SESTD1: variants seen among roughly 807,000 people sequenced by gnomAD.
The protein encoded by SESTD1 is SEC14 domain and spectrin repeat-containing protein 1.
In SESTD1, 43 loss-of-function variants were observed where a neutral mutation model predicts 101.7. The observed-to-expected ratio is 0.42, with a 90% CI of 0.33 to 0.55. The LOEUF is 0.55. Among genes scored for constraint, SESTD1 ranks in the 20% least tolerant of loss-of-function variants. The pLI, the probability that SESTD1 is intolerant of heterozygous loss-of-function variation, is 0.07. For synonymous variants in SESTD1, 283 were observed against 286.8 expected (o/e 0.99, Z 0.13); for missense variants, 647 against 815.1 (o/e 0.79, Z 2.51).
At chr2:179,136,530 C>G (rs1469812305) in intron 9 of SESTD1, among the ~76,000 whole-genome samples, 1 of 152,138 alleles carries the variant, frequency 6.6e-6, no homozygotes, top group Non-Finnish European at 1.5e-5. Flanking sequence ...TCTCATTTAT[C>G]ACTATGTGTT....
rs1346621276 is a variant in SESTD1 at position 179,105,764 on chromosome 2, C to T, written c.*4135G>A. 6.6e-6 allele frequency: 1 copy of T among 152,120 alleles called. No individual in the cohort carries two copies. Among genetic ancestry groups the T allele is most frequent in the African/African-American group, 2.4e-5 (1 of 41,410 alleles). 9.4% of individuals were successfully genotyped at this position (152,120 alleles called of 1,614,324 possible). On this transcript the variant is annotated 3_prime_UTR_variant, in exon 18 of 18. Coordinates refer to ENST00000428443, the MANE Select transcript of SESTD1 (RefSeq NM_178123.5). ...TGGTATGACTTCTCTGTTTTACAGCCTGAGATAAATTCTCAGATATTTTTT... is the reference window on the plus strand; with the variant it reads ...TGGTATGACTTCTCTGTTTTACAGCTTGAGATAAATTCTCAGATATTTTTT...
chr2:179,109,592 C>A lies in SESTD1; in HGVS notation c.*307G>T, dbSNP rs1334774865. 4.8e-6 allele frequency: 2 copies of A among 418,964 alleles called. No individual in the cohort carries two copies. The highest frequency in any genetic ancestry group is 2.0e-5 in the African/African-American group (1 of 49,138). 26.0% of individuals were successfully genotyped at this position (418,964 alleles called of 1,614,324 possible). ...GAGAGAATTCCTACTCTTATTAGCA[C>A]CATTCAAAGCTTATTATCAGTTGTT... On this transcript the variant is annotated 3_prime_UTR_variant, in exon 18 of 18. Transcript: ENST00000428443.
At chr2:179,136,975 A>T (rs1418021008) in intron 9 of SESTD1, among the ~76,000 whole-genome samples, 2 of 152,182 alleles carry the variant, frequency 1.3e-5, no homozygotes, top group Non-Finnish European at 2.9e-5. Context: ...CACAGTAAAT[A>T]TGCCTATTTC....
rs565508956 is a variant in SESTD1 at position 179,157,398 on chromosome 2, C to G, written c.370-6007G>C. The stretch of plus-strand genomic sequence containing the variant: ...AAATTCATATGGAACCAAAAAAGAG[C>G]CCGTATAGCCAAACCAAGACTAAGC... On this transcript the variant is annotated intron_variant, in intron 5 of 17. Coordinates refer to ENST00000428443, the MANE Select transcript of SESTD1 (RefSeq NM_178123.5). Among the ~76,000 whole-genome samples the G allele has an allele frequency of 6.6e-5, 10 of 152,224 alleles. No homozygotes were observed. The East Asian group carries it at 1.9e-3, about 29-fold the overall frequency.
At chr2:179,113,605 G>A (rs986077640) in intron 16 of SESTD1, among the ~76,000 whole-genome samples, 2 of 152,092 alleles carry the variant, frequency 1.3e-5, no homozygotes, top group African/African-American at 4.8e-5. Context: ...CATTACTCAT[G>A]AACGGACATT....
At chr2:179,118,046 C>T (rs1284052352) in intron 13 of SESTD1, among the ~76,000 whole-genome samples, 1 of 152,140 alleles carries the variant, frequency 6.6e-6, no homozygotes, top group Non-Finnish European at 1.5e-5. Context: ...TCATAGCTCA[C>T]TATAACCTCA....
rs542950580 is a variant in SESTD1, at chr2:179,247,309, T to TA, written c.-26+17189dup. Among the ~76,000 whole-genome samples the TA allele has an allele frequency of 7.0e-4, 107 of 152,234 alleles. 1 individual carries two copies. Among genetic ancestry groups the TA allele is most frequent in the African/African-American group, 2.5e-3 (103 of 41,550 alleles). On this transcript the variant is annotated intron_variant, in intron 1 of 17. Transcript: ENST00000428443. ...CTAAGTCTAGATGCTGTATGAGGGA[T>TA]AAGCATATTAAAAAATAAATAAATG... is the stretch of plus-strand genomic sequence containing the variant.
At chr2:179,124,756 T>C (rs1265714621) in intron 10 of SESTD1, among the ~76,000 whole-genome samples, 198 bp from the exon 11 acceptor site, 1 of 152,122 alleles carries the variant, frequency 6.6e-6, no homozygotes, top group Non-Finnish European at 1.5e-5. Flanking sequence ...TTCTCTTCTC[T>C]TCCTTGCTCT....
intron 5 of SESTD1, among the ~76,000 whole-genome samples, chr2:179,166,371 A>G (rs2045834741): frequency 6.6e-6 from 1 of 152,212 alleles, no homozygotes; most frequent in African/African-American, 2.4e-5. Flanking sequence ...TCCTATGAAA[A>G]AAAAAATCTT....
At chr2:179,133,270 C>T (rs892248627) in intron 9 of SESTD1, among the ~76,000 whole-genome samples, 1 of 152,136 alleles carries the variant, frequency 6.6e-6, no homozygotes, top group Non-Finnish European at 1.5e-5. Flanking sequence ...TTATGAGTCA[C>T]TAAACTCAAG....
At chr2:179,264,102 G>A (rs2047521674) in intron 1 of SESTD1, 1 of 152,242 alleles carries the variant, frequency 6.6e-6, no homozygotes, top group Non-Finnish European at 1.5e-5. Flanking sequence ...TGGAAAATAA[G>A]GACTAACGCC....
chr2:179,143,884 C>T (rs2105441793), intron 8 of SESTD1, 81 bp from the exon 9 acceptor site: 1 of 1,457,212 alleles, frequency 6.9e-7, no homozygotes. Context: ...ATTCTAGTCC[C>T]TTGTTTTTAA....
intron 16 of SESTD1, 42 bp from the exon 17 acceptor site, chr2:179,112,887 C>T (rs759346763): frequency 6.4e-7 from 1 of 1,567,950 alleles, no homozygotes; most frequent in Admixed American, 1.9e-5. Flanking sequence ...GAGACACAGA[C>T]AGGTCTGCAG....
At chr2:179,115,760 A>ATT (rs1227146275) in intron 15 of SESTD1, among the ~76,000 whole-genome samples, 1 of 151,996 alleles carries the variant, frequency 6.6e-6, no homozygotes, top group African/African-American at 2.4e-5. Flanking sequence ...AAAAACAAAA[A>ATT]TTGTTTTAAA....
chr2:179,112,200 C>T (rs2044526252), intron 17 of SESTD1, among the ~76,000 whole-genome samples: 1 of 152,164 alleles, frequency 6.6e-6, no homozygotes, highest in Admixed American at 6.5e-5. Context: ...ACAGACATAC[C>T]TGAGATTGTA....
At position 179,231,697 on chromosome 2, in the gene SESTD1, A is replaced by C. The variant is rs1358045799; in HGVS notation, c.-26+32802T>G. Among the ~76,000 whole-genome samples the C allele has an allele frequency of 1.3e-5, 2 of 151,070 alleles. 1 individual carries two copies. The highest frequency in any genetic ancestry group is 6.3e-3 in the Middle Eastern group (2 of 316). On this transcript the variant is annotated intron_variant, in intron 1 of 17. Coordinates refer to ENST00000428443, the MANE Select transcript of SESTD1 (RefSeq NM_178123.5). ...AAATGCTTATTCAAGAGATAACCTA[A>C]AACAGTATAGACCAAAAAGCTAAAA...
At chr2:179,196,662 G>C (rs536739773) in intron 1 of SESTD1, among the ~76,000 whole-genome samples, 33 of 152,286 alleles carry the variant, frequency 2.2e-4, no homozygotes, top group East Asian at 3.9e-4. Flanking sequence ...TGACCCCCGA[G>C]CAGCCTAACT....
At chr2:179,164,304 A>G (rs2045796452) in intron 5 of SESTD1, among the ~76,000 whole-genome samples, 1 of 152,224 alleles carries the variant, frequency 6.6e-6, no homozygotes, top group South Asian at 2.1e-4. Context: ...GTCTCAAAAA[A>G]GAACATGATT....
At position 179,183,105 on chromosome 2, in the gene SESTD1, A is replaced by G; in HGVS notation, c.139T>C (p.Leu47=). The change falls in exon 3 of 18, where the codon TTA becomes CTA. Residue 47 remains leucine (L), a synonymous_variant. Coordinates refer to ENST00000428443, the MANE Select transcript of SESTD1 (RefSeq NM_178123.5). ...QTNMDELSVT[L]DYLLSIPSEK... ...CTTGGAATGCTGAGTAGGTAGTCTA[A>G]GGTGACACTCAGCTCATCCATATTT... 2 of 1,611,086 alleles carry G rather than the reference A, an allele frequency of 1.2e-6. No individual in the cohort carries two copies. Among genetic ancestry groups the G allele is most frequent in the Non-Finnish European group, 1.7e-6 (2 of 1,178,536 alleles).
Sources: allele counts gnomAD v4.1 joint callset (sites outside exome capture counted in the v4.1 genomes callset), GRCh38; gene constraint gnomAD v4.1.1; transcripts MANE v1.5; gene names NCBI Gene and HGNC (gene_info 2026-07-23, HGNC 2026-07-21).